The following DNAH1 variants were observed in gnomAD, a reference collection of about 807,000 sequenced individuals.
The protein encoded by DNAH1 is dynein axonemal heavy chain 1.
In DNAH1, 327 loss-of-function variants were observed where a neutral mutation model predicts 484.3. The ratio of observed to expected loss-of-function variants is 0.68; its 90% CI spans 0.62 to 0.74. The LOEUF (loss-of-function observed/expected upper bound fraction) is 0.74. Among genes scored for constraint, DNAH1 ranks in the 30% least tolerant of loss-of-function variants. The pLI is 0.00. For synonymous variants in DNAH1, 2,192 were observed against 2,191.9 expected (o/e 1.00, Z 0.00); for missense variants, 5,052 against 5,546.8 (o/e 0.91, Z 2.83).
At chr3:52,380,344 G>A (rs984794464) in intron 48 of DNAH1, among the ~76,000 whole-genome samples, 3 of 152,124 alleles carry the variant, frequency 2.0e-5, no homozygotes, top group Non-Finnish European at 4.4e-5. Flanking sequence ...CTGAAAACCA[G>A]CCTGTGGTCC....
At chr3:52,393,571 C>T in intron 66 of DNAH1, 86 bp downstream of exon 66, 1 of 1,572,172 alleles carries the variant, frequency 6.4e-7, no homozygotes, top group African/African-American at 1.3e-5. Context: ...AAGGGAAAGC[C>T]AGGCATGAAG....
At chr3:52,387,000 A>G in intron 56 of DNAH1, 147 bp downstream of exon 56, 1 of 876,058 alleles carries the variant, frequency 1.1e-6, no homozygotes, top group African/African-American at 1.7e-5. Flanking sequence ...CCTCCACACC[A>G]CCAGCACCAC....
chr3:52,376,037 G>A (rs1160484703), intron 46 of DNAH1, 44 bp downstream of exon 46: 10 of 1,604,406 alleles, frequency 6.2e-6, no homozygotes, highest in Non-Finnish European at 8.5e-6. Context: ...GTTCCAGGAG[G>A]AGCCCTGGGC....
intron 34 of DNAH1, among the ~76,000 whole-genome samples, chr3:52,365,332 C>G (rs1365774596): frequency 6.6e-6 from 1 of 152,210 alleles, no homozygotes; most frequent in Non-Finnish European, 1.5e-5. Context: ...TGGGATGTGA[C>G]TGGAGTTTCA....
chr3:52,322,522 A>G lies in DNAH1; in HGVS notation c.80A>G (p.Gln27Arg), dbSNP rs1242375697. 1 of 1,613,680 alleles carries G rather than the reference A, an allele frequency of 6.2e-7. No homozygotes were observed. Among genetic ancestry groups the G allele is most frequent in the African/African-American group, 1.3e-5 (1 of 74,904 alleles). Residue 27 changes from glutamine (Q) to arginine (R), a missense_variant, in exon 2 of 78, where the codon CAA becomes CGA. Physicochemically the swap from Gln to Arg is conservative, Grantham distance 43 (BLOSUM62 1). Transcript: ENST00000420323. ...GPECSSAPAV[Q>R]VGTHRGLEYN... ...GAGTGCAGCAGTGCTCCTGCAGTCC[A>G]AGTGGGGACCCACAGGGGCCTAGAG...
Position 52,353,440 on chromosome 3 carries a change from C to T in DNAH1, c.3287C>T (p.Pro1096Leu), listed in dbSNP as rs1305823499. Residue 1096 changes from proline to leucine, a missense_variant, in exon 20 of 78, where the codon CCA (proline) becomes CTA (leucine). By Grantham distance (98) the Pro-to-Leu change is moderately conservative. Coordinates refer to ENST00000420323, the MANE Select transcript of DNAH1 (RefSeq NM_015512.5). The surrounding 1 kb of genome is among the most constrained non-coding windows in gnomAD (Gnocchi z 5.0). ...ATCGAGGAGTTCAAACCATACATCC[C>T]ACTGATCCAGGGGCTGCGCAACCCT... Reference protein sequence around the residue: ...ARIEEFKPYIPLIQGLRNPGM... With the variant: ...ARIEEFKPYILLIQGLRNPGM... The T allele has an allele frequency of 6.8e-6, 11 of 1,613,828 alleles. No homozygotes were observed. The highest frequency in any genetic ancestry group is 9.3e-6 in the Non-Finnish European group (11 of 1,179,910).
chr3:52,381,523 G>T lies in DNAH1; in HGVS notation c.7609-117G>T. Reference sequence around the variant, plus strand: ...CATGCAGCTGGCCGGGTCACAGGTGGTCAAGGCACCTGTGCTTCTCAGTCA... The same window carrying T: ...CATGCAGCTGGCCGGGTCACAGGTGTTCAAGGCACCTGTGCTTCTCAGTCA... On this transcript the variant is annotated intron_variant, in intron 48 of 77. Transcript: ENST00000420323. This position sits in a 1 kb window ranked among gnomAD's most constrained non-coding sequence, Gnocchi z 4.1. The T allele has an allele frequency of 2.1e-6, 2 of 954,492 alleles. No homozygotes were observed. Among genetic ancestry groups the T allele is most frequent in the Non-Finnish European group, 3.1e-6 (2 of 647,644 alleles). The allele number at this position is 954,492 out of a possible 1,614,324, so 59.1% of individuals were successfully genotyped here.
At position 52,334,959 on chromosome 3, in the gene DNAH1, C is replaced by T. The variant is rs188635456; in HGVS notation, c.1286+2565C>T. On this transcript the variant is annotated intron_variant, in intron 8 of 77. Transcript: ENST00000420323. ...CGCCCCCCGGCGCCCGCCACCATGC[C>T]CGGCTAATTTTTTTGTATTTTTAGT... Among the ~76,000 whole-genome samples, 837 of 152,034 alleles carry T rather than the reference C, an allele frequency of 5.5e-3. 6 individuals carry two copies. The highest frequency in any genetic ancestry group is 0.019 in the African/African-American group (804 of 41,476).
At chr3:52,340,873 T>TA (rs995768835) in intron 8 of DNAH1, among the ~76,000 whole-genome samples, 11 of 151,820 alleles carry the variant, frequency 7.2e-5, no homozygotes, top group African/African-American at 9.7e-5. Context: ...TTTTTTTTTT[T>TA]AATTTACAGA....
chr3:52,399,773 C>T lies in DNAH1; in HGVS notation c.12670C>T (p.Arg4224Cys), dbSNP rs1023654916. The T allele has an allele frequency of 5.6e-6, 9 of 1,613,626 alleles. No homozygotes were observed. The highest frequency in any genetic ancestry group is 1.1e-5 in the South Asian group (1 of 91,034). ...GTGCCCCATCTACAAGACACTGACT[C>T]GTGCTGGTATGAGGCCTGGGATGGG... ...YLCPIYKTLT[R>C]AGTLSTTGHS... The change falls in exon 77 of 78, where the codon CGT (arginine) becomes TGT (cysteine). Residue 4224 changes from arginine to cysteine, a missense_variant. Arg to Cys is a radical substitution (Grantham distance 180). Coordinates refer to ENST00000420323, the MANE Select transcript of DNAH1 (RefSeq NM_015512.5).
Position 52,395,800 on chromosome 3 carries a change from C to A in DNAH1, c.11259+122C>A, listed in dbSNP as rs1704596404. Reference sequence around the variant, plus strand: ...CCCAGCCTCTAGCACGTGGCAAGTGCTCAGCAACTGACATGTGCCACACAT... The same window carrying A: ...CCCAGCCTCTAGCACGTGGCAAGTGATCAGCAACTGACATGTGCCACACAT... On this transcript the variant is annotated intron_variant, in intron 70 of 77. Transcript: ENST00000420323. The surrounding 1 kb of genome is among the most constrained non-coding windows in gnomAD (Gnocchi z 4.4). 4.3e-6 allele frequency: 6 copies of A among 1,379,500 alleles called. No individual in the cohort carries two copies. The East Asian group carries it at 1.5e-4, about 35-fold the overall frequency. 85.5% of individuals were successfully genotyped at this position (1,379,500 alleles called of 1,614,324 possible).
At position 52,380,738 on chromosome 3, in the gene DNAH1, G is replaced by A. The variant is rs115821606; in HGVS notation, c.7608+603G>A. 8.2e-3 allele frequency among the ~76,000 whole-genome samples: 1,248 copies of A among 152,274 alleles called. 25 individuals are homozygous for A. The highest frequency in any genetic ancestry group is 0.029 in the African/African-American group (1,190 of 41,540). ...GTATGCTGTGGCAGGTGAGCTCCCC[G>A]TCAGGGAGGGCCCCAGTACACGGTG... On this transcript the variant is annotated intron_variant, in intron 48 of 77. Transcript: ENST00000420323.
Position 52,359,991 on chromosome 3 carries a change from A to C in DNAH1, c.4483A>C (p.Ile1495Leu), listed in dbSNP as rs770169482. 1 of 1,613,916 alleles carries C rather than the reference A, an allele frequency of 6.2e-7. No individual in the cohort carries two copies. Among genetic ancestry groups the C allele is most frequent in the Admixed American group, 1.7e-5 (1 of 60,028 alleles). The change falls in exon 27 of 78, where the codon ATT (isoleucine) becomes CTT (leucine). Residue 1495 changes from isoleucine (I) to leucine (L), a missense_variant. By Grantham distance (5) the Ile-to-Leu change is conservative. Coordinates refer to ENST00000420323, the MANE Select transcript of DNAH1 (RefSeq NM_015512.5). ...GGCAGTGCTGTCAGCGCTAATCGTCATTGAGGTCCATGCCAAGGACGTGGT... is the reference window on the plus strand; with the variant it reads ...GGCAGTGCTGTCAGCGCTAATCGTCCTTGAGGTCCATGCCAAGGACGTGGT... ...QRAVLSALIVIEVHAKDVVSK... is the reference protein window; with the variant it reads ...QRAVLSALIVLEVHAKDVVSK...
intron 73 of DNAH1, 27 bp from the exon 74 acceptor site, chr3:52,397,680 C>T: frequency 6.4e-7 from 1 of 1,567,008 alleles, no homozygotes; most frequent in South Asian, 1.2e-5. Context: ...AAGCCAGGGG[C>T]TTCCATGTTG....
chr3:52,342,665 A>T (rs1701980770), intron 8 of DNAH1, among the ~76,000 whole-genome samples: 1 of 152,172 alleles, frequency 6.6e-6, no homozygotes, highest in African/African-American at 2.4e-5. Flanking sequence ...CAGTAGCAGG[A>T]AGAGACCAGG....
Position 52,358,753 on chromosome 3 carries a change from C to G in DNAH1, c.4266+16C>G. On this transcript the variant is annotated intron_variant, in intron 25 of 77. Coordinates refer to ENST00000420323, the MANE Select transcript of DNAH1 (RefSeq NM_015512.5). This position sits in a 1 kb window ranked among gnomAD's most constrained non-coding sequence, Gnocchi z 4.2. Reference sequence around the variant, plus strand: ...CTACCCCACGGTGAGCCGCCCGCAGCCCGTGCAGCCTTCCACCCCTGCACC... The same window carrying G: ...CTACCCCACGGTGAGCCGCCCGCAGGCCGTGCAGCCTTCCACCCCTGCACC... 6.2e-7 allele frequency: 1 copy of G among 1,611,006 alleles called. No homozygotes were observed. The highest frequency in any genetic ancestry group is 1.1e-5 in the South Asian group (1 of 90,850).
rs1702499027 is a variant in DNAH1, at chr3:52,353,816, A to G, written c.3480+183A>G. On this transcript the variant is annotated intron_variant, in intron 20 of 77. Coordinates refer to ENST00000420323, the MANE Select transcript of DNAH1 (RefSeq NM_015512.5). This position sits in a 1 kb window ranked among gnomAD's most constrained non-coding sequence, Gnocchi z 5.0. Reference sequence around the variant, plus strand: ...GTTAATAATGCACATAAAATTCTTGACAGTGTCCACCATTGCTATTATTTT... The same window carrying G: ...GTTAATAATGCACATAAAATTCTTGGCAGTGTCCACCATTGCTATTATTTT... 2 of 802,898 alleles carry G rather than the reference A, an allele frequency of 2.5e-6. No homozygotes were observed. The highest frequency in any genetic ancestry group is 5.5e-5 in the East Asian group (2 of 36,544). 49.7% of individuals were successfully genotyped at this position (802,898 alleles called of 1,614,324 possible).
Position 52,353,087 on chromosome 3 carries a change from C to T in DNAH1, c.3028-16C>T, listed in dbSNP as rs1312315745. Reference sequence around the variant, plus strand: ...TGTCCCAAGACAGCCCCAGCCCTGCCCTCCTGTCCCTGCAGTATGACAAGC... The same window carrying T: ...TGTCCCAAGACAGCCCCAGCCCTGCTCTCCTGTCCCTGCAGTATGACAAGC... On this transcript the variant is annotated splice_polypyrimidine_tract_variant and intron_variant, in intron 18 of 77. Coordinates refer to ENST00000420323, the MANE Select transcript of DNAH1 (RefSeq NM_015512.5). The surrounding 1 kb of genome is among the most constrained non-coding windows in gnomAD (Gnocchi z 5.0). The T allele has an allele frequency of 9.3e-6, 15 of 1,605,530 alleles. No homozygotes were observed. Among genetic ancestry groups the T allele is most frequent in the Non-Finnish European group, 1.3e-5 (15 of 1,174,972 alleles).
chr3:52,324,386 A>G (rs547889138), intron 3 of DNAH1, among the ~76,000 whole-genome samples: 9 of 152,270 alleles, frequency 5.9e-5, no homozygotes, highest in African/African-American at 2.2e-4. Context: ...ACAGGCCTGC[A>G]GGGTGTGGGG....
Sources: allele counts gnomAD v4.1 joint callset (sites outside exome capture counted in the v4.1 genomes callset), GRCh38; gene constraint gnomAD v4.1.1; non-coding constraint Gnocchi (gnomAD v3.1); transcripts MANE v1.5; gene names NCBI Gene and HGNC (gene_info 2026-07-23, HGNC 2026-07-21).